Variants in PCDHA3 observed in about 807,000 individuals in gnomAD.
PCDHA3 encodes the protein protocadherin alpha 3.
In PCDHA3, 41 loss-of-function variants were observed where a neutral mutation model predicts 62.2. That is an observed-to-expected ratio of 0.66 (90% CI 0.51 to 0.86). PCDHA3 has a LOEUF of 0.86. Among genes scored for constraint, PCDHA3 ranks in the 40% least tolerant of loss-of-function variants. PCDHA3 has a pLI of 0.00. For missense variants in PCDHA3, 1,304 were observed against 1,241.2 expected (o/e 1.05, Z -0.76); for synonymous variants, 640 against 555.4 (o/e 1.15, Z -2.14).
chr5:140,802,648 C>T lies in PCDHA3; in HGVS notation c.1451C>T (p.Ala484Val). 1 of 1,613,666 alleles carries T rather than the reference C, an allele frequency of 6.2e-7. No individual in the cohort carries two copies. Among genetic ancestry groups the T allele is most frequent in the African/African-American group, 1.3e-5 (1 of 75,060 alleles). Reference sequence around the variant, plus strand: ...ACGGTGTCTGCGCGGGACGCGGACGCGCAGGAGAACGCCCTGGTGTCCTAC... The same window carrying T: ...ACGGTGTCTGCGCGGGACGCGGACGTGCAGGAGAACGCCCTGGTGTCCTAC... The part of the protein sequence containing the change: ...IFTVSARDAD[A>V]QENALVSYSL... Residue 484 changes from alanine (A) to valine (V), a missense_variant, in exon 1 of 4, where the codon GCG becomes GTG. Physicochemically the swap from Ala to Val is moderately conservative, Grantham distance 64. Coordinates refer to ENST00000522353, the MANE Select transcript of PCDHA3 (RefSeq NM_018906.3).
At chr5:140,875,182 A>T in intron 1 of PCDHA3, 1 of 450,902 alleles carries the variant, frequency 2.2e-6, no homozygotes. Context: ...CATTAGAATT[A>T]AGAGTGACCC....
rs567006708 is a variant in PCDHA3, at chr5:140,802,857, T to A, written c.1660T>A (p.Phe554Ile). ...PLGSNVTLQV[F>I]VLDENDNAPA... ...GGGCAGCAACGTGACGCTGCAGGTGTTCGTGCTGGACGAGAACGACAACGC... is the reference window on the plus strand; with the variant it reads ...GGGCAGCAACGTGACGCTGCAGGTGATCGTGCTGGACGAGAACGACAACGC... Residue 554 changes from phenylalanine (F) to isoleucine (I), a missense_variant, in exon 1 of 4, where the codon TTC becomes ATC. Coordinates refer to ENST00000522353, the MANE Select transcript of PCDHA3 (RefSeq NM_018906.3). The A allele has an allele frequency of 1.2e-6, 2 of 1,613,308 alleles. No individual in the cohort carries two copies. The highest frequency in any genetic ancestry group is 1.7e-6 in the Non-Finnish European group (2 of 1,179,804).
chr5:140,837,528 A>G (rs1205185632), intron 1 of PCDHA3, among the ~76,000 whole-genome samples: 2 of 151,654 alleles, frequency 1.3e-5, no homozygotes, highest in African/African-American at 2.4e-5. Flanking sequence ...TTTTTTGTAT[A>G]TTCCCAAGAT....
At chr5:140,898,622 A>C (rs1286354840) in intron 1 of PCDHA3, among the ~76,000 whole-genome samples, 1 of 152,172 alleles carries the variant, frequency 6.6e-6, no homozygotes, top group Admixed American at 6.5e-5. Context: ...GTCAGGTAGC[A>C]TAATGCCTCC....
At chr5:140,821,978 A>G (rs1767138944) in intron 1 of PCDHA3, 1 of 1,614,038 alleles carries the variant, frequency 6.2e-7, no homozygotes. Flanking sequence ...GTGGCGTCCA[A>G]GGGCCGCGGG....
chr5:140,884,327 G>A (rs1400364790), intron 1 of PCDHA3: 1 of 1,613,894 alleles, frequency 6.2e-7, no homozygotes, highest in Non-Finnish European at 8.5e-7. Context: ...GGCAGGCGCT[G>A]TGGGTCCAGA....
At chr5:140,996,495 G>A (rs2097728470) in intron 3 of PCDHA3, among the ~76,000 whole-genome samples, 2 of 152,156 alleles carry the variant, frequency 1.3e-5, no homozygotes, top group South Asian at 4.1e-4. Context: ...GGCAAGTCTG[G>A]CTTCTTGGGG....
At chr5:140,888,048 A>G (rs534072281) in intron 1 of PCDHA3, among the ~76,000 whole-genome samples, 40 of 152,296 alleles carry the variant, frequency 2.6e-4, no homozygotes, top group African/African-American at 9.4e-4. Context: ...TGTATAATAG[A>G]TGTTTTAACT....
At chr5:140,956,504 T>C (rs577559329) in intron 1 of PCDHA3, among the ~76,000 whole-genome samples, 1 of 152,352 alleles carries the variant, frequency 6.6e-6, no homozygotes, top group South Asian at 2.1e-4. Context: ...TGAAGCCTAC[T>C]TGATCATGGT....
Position 140,966,822 on chromosome 5 carries a change from C to A in PCDHA3, c.2395-12127C>A, listed in dbSNP as rs1329460642. 9 of 1,558,948 alleles carry A rather than the reference C, an allele frequency of 5.8e-6. No individual in the cohort carries two copies. In the Admixed American group the frequency reaches 7.5e-5, roughly 13 times the overall value. On this transcript the variant is annotated intron_variant, in intron 1 of 3. Transcript: ENST00000522353. ...ACAGAGCATCCACGGCTCCGGCGGC[C>A]CATGCCCTGGCTGCTGCTACTGCCT... is the stretch of plus-strand genomic sequence containing the variant.
At position 140,876,499 on chromosome 5, in the gene PCDHA3, G is replaced by A. The variant is rs781995151; in HGVS notation, c.2394+72908G>A. ...CATGGTCCTGGTGGAAGTTCTGGAC[G>A]TGAATGACAATGTCCCTGAAGTAAT... On this transcript the variant is annotated intron_variant, in intron 1 of 3. Transcript: ENST00000522353. 5.0e-6 allele frequency: 8 copies of A among 1,613,910 alleles called. No homozygotes were observed. The Admixed American group carries it at 1.0e-4, about 20-fold the overall frequency.
At chr5:140,884,247 C>G (rs1554181368) in intron 1 of PCDHA3, 5 of 1,613,398 alleles carry the variant, frequency 3.1e-6, no homozygotes, top group Non-Finnish European at 4.2e-6. Flanking sequence ...CCCGCGCTGA[C>G]GGCCACGGCA....
intron 1 of PCDHA3, chr5:140,809,624 ACTT>A (rs781811577): frequency 6.6e-7 from 1 of 1,507,658 alleles, no homozygotes; most frequent in Non-Finnish European, 8.9e-7. Flanking sequence ...TTCTCTATCA[ACTT>A]CTTCGTAAAT....
chr5:140,896,847 A>G (rs892276664), intron 1 of PCDHA3, among the ~76,000 whole-genome samples: 5 of 152,064 alleles, frequency 3.3e-5, no homozygotes, highest in African/African-American at 4.8e-5. Flanking sequence ...TTTTAATTTT[A>G]TGGGTACATA....
intron 1 of PCDHA3, among the ~76,000 whole-genome samples, chr5:140,838,676 C>T (rs1236293841): frequency 6.6e-6 from 1 of 152,090 alleles, no homozygotes; most frequent in East Asian, 1.9e-4. Flanking sequence ...TGGCACACAC[C>T]TTTAACCCCA....
At chr5:140,845,504 C>T (rs1210471805) in intron 1 of PCDHA3, among the ~76,000 whole-genome samples, 1 of 149,510 alleles carries the variant, frequency 6.7e-6, no homozygotes, top group Non-Finnish European at 1.5e-5. Flanking sequence ...AAGTCTAAAC[C>T]TATTTCTTGT....
intron 1 of PCDHA3, among the ~76,000 whole-genome samples, chr5:140,906,070 C>T (rs1257687877): frequency 1.3e-5 from 2 of 152,162 alleles, no homozygotes; most frequent in South Asian, 2.1e-4. Flanking sequence ...CTGATTAGAT[C>T]GCACCCACCC....
At chr5:140,928,007 A>G in intron 1 of PCDHA3, 3 of 1,614,116 alleles carry the variant, frequency 1.9e-6, no homozygotes, top group Non-Finnish European at 2.5e-6. Context: ...CTCGATTCTA[A>G]TGGTAGGGTC....
chr5:140,954,836 A>T (rs1185482098), intron 1 of PCDHA3, among the ~76,000 whole-genome samples: 1 of 152,086 alleles, frequency 6.6e-6, no homozygotes, highest in Non-Finnish European at 1.5e-5. Context: ...TTTGTCATGA[A>T]ATCTTTGCCT....
Sources: gnomAD v4.1 joint callset for allele counts (sites outside exome capture counted in the v4.1 genomes callset) on GRCh38, gnomAD v4.1.1 for gene constraint, MANE v1.5 for transcripts, NCBI Gene and HGNC (gene_info 2026-07-23, HGNC 2026-07-21) for gene names.